The following SLC36A1 variants were observed in gnomAD, a reference collection of about 807,000 sequenced individuals.
SLC36A1 encodes proton-coupled amino acid transporter 1.
A neutral mutation model predicts 47.5 loss-of-function variants in SLC36A1; 30 were observed. The ratio of observed to expected loss-of-function variants is 0.63; its 90% CI spans 0.47 to 0.86. SLC36A1 has a LOEUF of 0.86. Among genes scored for constraint, SLC36A1 ranks in the 40% least tolerant of loss-of-function variants. The probability of loss-of-function intolerance (pLI) is 0.00; values close to 1 mark genes in which losing one functional copy is unlikely to be tolerated. For missense variants in SLC36A1, 517 were observed against 606.0 expected, an observed-to-expected ratio of 0.85 and a Z score of 1.54; for synonymous variants, 255 against 249.7, an observed-to-expected ratio of 1.02 and a Z score of -0.20.
the SLC36A1 span, among the ~76,000 whole-genome samples, chr5:151,553,787 G>T: frequency 2.0e-5 from 3 of 152,250 alleles, no homozygotes; most frequent in African/African-American, 7.2e-5. Context: ...AGCTTTGTGC[G>T]CAATATCTGA....
chr5:151,395,042 G>A, the SLC36A1 span, among the ~76,000 whole-genome samples: 4 of 152,180 alleles, frequency 2.6e-5, no homozygotes, highest in South Asian at 4.1e-4. Context: ...CTTGAGCTGC[G>A]GTGGGCTCCA....
the SLC36A1 span, among the ~76,000 whole-genome samples, chr5:151,382,880 C>G: frequency 6.6e-6 from 1 of 152,120 alleles, no homozygotes; most frequent in Non-Finnish European, 1.5e-5. Flanking sequence ...GAATAGATTT[C>G]CCTTTCTTCC....
chr5:151,411,231 G>A, the SLC36A1 span, among the ~76,000 whole-genome samples: 19 of 144,858 alleles, frequency 1.3e-4, 2 homozygotes, highest in African/African-American at 3.8e-4. Context: ...TCATAAATGA[G>A]CAAAGCAGAA....
chr5:151,540,758 C>A, the SLC36A1 span: 1 of 1,613,464 alleles, frequency 6.2e-7, no homozygotes. Flanking sequence ...CCCAGGGGGT[C>A]TCCCTCTAAA....
At chr5:151,546,383 G>A in the SLC36A1 span, 3 of 1,439,368 alleles carry the variant, frequency 2.1e-6, no homozygotes, top group African/African-American at 2.8e-5. Context: ...CCCTCGACAG[G>A]TATCAGCTAG....
the SLC36A1 span, among the ~76,000 whole-genome samples, chr5:151,367,824 C>G: frequency 4.2e-3 from 637 of 152,340 alleles, 4 homozygotes; most frequent in African/African-American, 0.015. Flanking sequence ...GGGTCCCTGA[C>G]TTCCCGTAAC....
At chr5:151,432,181 A>G (rs1759391037), upstream of SLC36A1, among the ~76,000 whole-genome samples, 1 of 152,178 alleles carries the variant, frequency 6.6e-6, no homozygotes, top group Admixed American at 6.5e-5. Flanking sequence ...CCTGGAGGCG[A>G]TGAACTTGGA....
chr5:151,387,535 T>A, the SLC36A1 span, among the ~76,000 whole-genome samples: 2 of 152,218 alleles, frequency 1.3e-5, no homozygotes, highest in African/African-American at 4.8e-5. Context: ...GGTGGATTCA[T>A]GTTCTCCATC....
chr5:151,480,920 A>C (rs1400285504), intron 10 of SLC36A1, among the ~76,000 whole-genome samples: 1 of 152,218 alleles, frequency 6.6e-6, no homozygotes, highest in Non-Finnish European at 1.5e-5. Context: ...AGGTCTCTGT[A>C]GGTAAAATGT....
chr5:151,497,286 ATT>A (rs1370127328), downstream of SLC36A1, among the ~76,000 whole-genome samples: 18 of 152,208 alleles, frequency 1.2e-4, no homozygotes, highest in Non-Finnish European at 2.4e-4. Context: ...GTACTGAGAT[ATT>A]TAAAAATCAT....
At chr5:151,468,152 T>G (rs568991054) in intron 7 of SLC36A1, among the ~76,000 whole-genome samples, 9 of 148,138 alleles carry the variant, frequency 6.1e-5, no homozygotes, top group Non-Finnish European at 1.0e-4. Context: ...TTTGGGAGGC[T>G]GAGGCAGGAG....
chr5:151,496,127 T>C (rs1052305764), downstream of SLC36A1, among the ~76,000 whole-genome samples: 8 of 152,162 alleles, frequency 5.3e-5, no homozygotes, highest in African/African-American at 1.9e-4. Flanking sequence ...GGTGACTGAT[T>C]TGTGGGGGCA....
the SLC36A1 span, among the ~76,000 whole-genome samples, chr5:151,394,761 A>G: frequency 6.6e-6 from 1 of 152,168 alleles, no homozygotes; most frequent in African/African-American, 2.4e-5. Context: ...GTTCCTCTGG[A>G]AGCTTCGTCT....
At chr5:151,347,488 G>A in the SLC36A1 span, 24 of 1,612,416 alleles carry the variant, frequency 1.5e-5, no homozygotes, top group South Asian at 4.4e-5. Flanking sequence ...GGAGCTCGGG[G>A]TGACAAAGAG....
chr5:151,420,869 T>C, the SLC36A1 span, among the ~76,000 whole-genome samples: 1 of 145,478 alleles, frequency 6.9e-6, no homozygotes, highest in East Asian at 2.4e-4. Flanking sequence ...TCTTTCTTTC[T>C]CTTTCTTTCT....
chr5:151,542,554 G>A, the SLC36A1 span: 1 of 1,614,178 alleles, frequency 6.2e-7, no homozygotes, highest in Non-Finnish European at 8.5e-7. Flanking sequence ...CTGGAGTGTG[G>A]TGATCCAACC....
At chr5:151,545,306 T>C in the SLC36A1 span, 22 of 1,614,050 alleles carry the variant, frequency 1.4e-5, no homozygotes, top group African/African-American at 1.3e-4. Context: ...GAAGCCCTGA[T>C]GGTGAGCTTC....
At chr5:151,382,320 C>T in the SLC36A1 span, 2 of 1,016,306 alleles carry the variant, frequency 2.0e-6, no homozygotes, top group African/African-American at 1.6e-5. Flanking sequence ...CCTCAGCAGC[C>T]TCAAGTTCAG....
At chr5:151,551,262 C>T in the SLC36A1 span, among the ~76,000 whole-genome samples, 57 of 152,310 alleles carry the variant, frequency 3.7e-4, no homozygotes, top group African/African-American at 1.3e-3. Flanking sequence ...TTTAAACAAG[C>T]TTCCAATTAT....
Sources: gnomAD v4.1 joint callset for allele counts (sites outside exome capture counted in the v4.1 genomes callset) on GRCh38, gnomAD v4.1.1 for gene constraint, MANE v1.5 for transcripts, NCBI Gene and HGNC (gene_info 2026-07-23, HGNC 2026-07-21) for gene names.